The following DMD variants were observed in gnomAD, a reference collection of about 807,000 sequenced individuals.
DMD encodes the protein mutant dystrophin.
DMD carries 63 observed loss-of-function variants against 330.1 expected under a neutral mutation model. The ratio of observed to expected loss-of-function variants is 0.19; its 90% CI spans 0.16 to 0.24. DMD has a LOEUF of 0.24. Among genes scored for constraint, DMD ranks in the 10% least tolerant of loss-of-function variants. The probability of loss-of-function intolerance (pLI) is 1.00; values close to 1 mark genes in which losing one functional copy is unlikely to be tolerated. For missense variants in DMD, 3,344 were observed against 2,684.1 expected (o/e 1.25, Z -5.43); for synonymous variants, 1,223 against 959.8 (o/e 1.27, Z -5.07).
intron 1 of DMD, among the ~76,000 whole-genome samples, chrX:33,100,755 T>C (rs1199708889): frequency 2.7e-5 from 3 of 112,333 alleles, no homozygotes; most frequent in Non-Finnish European, 1.9e-5. Flanking sequence ...ACTCAGAGTG[T>C]ATTAATGGAA....
At position 32,868,011 on chromosome X, in the gene DMD, T is replaced by C. The variant is rs751098798; in HGVS notation, c.94-18191A>G. On this transcript the variant is annotated intron_variant, in intron 2 of 78. Coordinates refer to ENST00000357033, the MANE Select transcript of DMD (RefSeq NM_004006.3). ...AAGAACCAAAACCGTGAGTGAATCC[T>C]GCACCAGCAACAGAGGTGTCCAGGT... Among the ~76,000 whole-genome samples the C allele has an allele frequency of 3.6e-4, 39 of 109,352 alleles. No individual in the cohort carries two copies. The East Asian group carries it at 0.011, about 30-fold the overall frequency. The allele number at this position is 109,352 out of a possible 115,157, so 95.0% of individuals were successfully genotyped here. A position where few individuals can be genotyped will look rare whatever the true frequency, so the allele number is the denominator to read the frequency against.
chrX:31,175,235 T>C (rs746935778), intron 71 of DMD, among the ~76,000 whole-genome samples: 5 of 111,298 alleles, frequency 4.5e-5, no homozygotes, highest in Non-Finnish European at 9.5e-5. Flanking sequence ...GAAAATACAT[T>C]AGTAGTGTTT....
At chrX:32,977,306 A>C (rs373424583) in intron 2 of DMD, among the ~76,000 whole-genome samples, 138 of 111,223 alleles carry the variant, frequency 1.2e-3, no homozygotes, top group African/African-American at 4.2e-3. Flanking sequence ...TCTCACAAAA[A>C]AGAAAAAAAG....
chrX:31,144,552 A>G (rs61111210), intron 76 of DMD, among the ~76,000 whole-genome samples: 10,191 of 111,776 alleles, frequency 0.091, 926 homozygotes, highest in African/African-American at 0.29. Context: ...TGTCCTATCC[A>G]TTTTGGTTAA....
rs1244254503 is a variant in DMD at position 31,370,324 on chromosome X, G to A, written c.9085-21690C>T. Among the ~76,000 whole-genome samples, 3 of 111,417 alleles carry A rather than the reference G, an allele frequency of 2.7e-5. No individual in the cohort carries two copies. In the East Asian group the frequency reaches 8.4e-4, roughly 31 times the overall value. On this transcript the variant is annotated intron_variant, in intron 60 of 78. Transcript: ENST00000357033. ...AAAGGACTAGTATCTGATACAGAAAGAACTCTCAAAACCGAACTATAAAAA... is the reference window on the plus strand; with the variant it reads ...AAAGGACTAGTATCTGATACAGAAAAAACTCTCAAAACCGAACTATAAAAA...
intron 44 of DMD, among the ~76,000 whole-genome samples, chrX:32,025,596 C>A (rs957903726): frequency 1.1e-4 from 12 of 112,167 alleles, no homozygotes; most frequent in African/African-American, 3.9e-4. Flanking sequence ...TAAGCAATAG[C>A]AAAATACTAC....
intron 7 of DMD, among the ~76,000 whole-genome samples, chrX:32,800,512 C>T (rs1430047316): frequency 1.8e-5 from 2 of 111,898 alleles, no homozygotes; most frequent in African/African-American, 6.5e-5. Context: ...AAATATATGA[C>T]TTATGCTGAA....
At chrX:32,696,592 T>G (rs971385325) in intron 9 of DMD, among the ~76,000 whole-genome samples, 1 of 111,804 alleles carries the variant, frequency 8.9e-6, no homozygotes, top group African/African-American at 3.3e-5. Flanking sequence ...ACCTGAGCGA[T>G]GCCTTAATGA....
At chrX:33,249,765 T>C (rs910134638) in intron 1 of DMD, among the ~76,000 whole-genome samples, 9 of 110,787 alleles carry the variant, frequency 8.1e-5, no homozygotes, top group South Asian at 7.7e-4. Context: ...ATCATTTCTT[T>C]TCTTTTTATA....
intron 1 of DMD, among the ~76,000 whole-genome samples, chrX:33,218,064 T>C (rs1341355941): frequency 9.0e-6 from 1 of 111,474 alleles, no homozygotes; most frequent in African/African-American, 3.3e-5. Context: ...ATGTTAGCTA[T>C]AAGATTTCTG....
intron 44 of DMD, among the ~76,000 whole-genome samples, chrX:32,216,015 T>C (rs1352734249): frequency 1.8e-5 from 2 of 112,401 alleles, no homozygotes; most frequent in African/African-American, 6.4e-5. Flanking sequence ...AAGTCAAATG[T>C]GATACTGCTT....
At chrX:33,327,294 TG>T (rs2054102382) in intron 1 of DMD, among the ~76,000 whole-genome samples, 1 of 111,714 alleles carries the variant, frequency 9.0e-6, no homozygotes, top group South Asian at 3.7e-4. Flanking sequence ...GAGAGCAAGT[TG>T]TTTCTCAGGC....
At chrX:32,503,767 G>C (rs773764860) in intron 18 of DMD, among the ~76,000 whole-genome samples, 4 of 111,043 alleles carry the variant, frequency 3.6e-5, no homozygotes, top group South Asian at 7.8e-4. Flanking sequence ...TGTTGGCCAG[G>C]CTGGTCTCAA....
chrX:32,656,414 G>T (rs1420489902), intron 9 of DMD, among the ~76,000 whole-genome samples: 1 of 111,685 alleles, frequency 9.0e-6, no homozygotes, highest in Non-Finnish European at 1.9e-5. Context: ...TTTAAGAGAA[G>T]TAAGTCTGAA....
At chrX:32,755,758 T>A (rs1279297571) in intron 7 of DMD, among the ~76,000 whole-genome samples, 2 of 112,125 alleles carry the variant, frequency 1.8e-5, no homozygotes, top group African/African-American at 3.2e-5. Context: ...TTAATTAAAC[T>A]TTTCCTCAAT....
At chrX:31,711,114 T>C (rs1479445639) in intron 52 of DMD, among the ~76,000 whole-genome samples, 1 of 110,995 alleles carries the variant, frequency 9.0e-6, no homozygotes, top group African/African-American at 3.3e-5. Context: ...TGTAAAATTG[T>C]GCCCTTTTCA....
intron 30 of DMD, among the ~76,000 whole-genome samples, chrX:32,405,460 G>A (rs1419362557): frequency 9.3e-6 from 1 of 107,787 alleles, no homozygotes; most frequent in East Asian, 2.8e-4. Flanking sequence ...CCTAGTTTCT[G>A]TTTTCTAAGA....
At chrX:32,886,756 T>C (rs962172588) in intron 2 of DMD, among the ~76,000 whole-genome samples, 1 of 112,149 alleles carries the variant, frequency 8.9e-6, no homozygotes, top group Non-Finnish European at 1.9e-5. Context: ...CAAAATGGTC[T>C]ACTGGGTTAT....
chrX:32,559,828 G>T (rs2050785415), intron 16 of DMD, among the ~76,000 whole-genome samples: 1 of 111,178 alleles, frequency 9.0e-6, no homozygotes, highest in Non-Finnish European at 1.9e-5. Flanking sequence ...GCTTGCTTCG[G>T]CAGCACACAT....
Sources: gnomAD v4.1 joint callset for allele counts (sites outside exome capture counted in the v4.1 genomes callset) on GRCh38, gnomAD v4.1.1 for gene constraint, MANE v1.5 for transcripts, NCBI Gene and HGNC (gene_info 2026-07-23, HGNC 2026-07-21) for gene names.